The following ADGRA2 variants were observed in gnomAD, a reference collection of about 807,000 sequenced individuals.
ADGRA2 encodes G-protein coupled receptor 124.
Under a neutral mutation model 98.7 loss-of-function variants are expected in ADGRA2, and 61 were observed. The observed-to-expected ratio is 0.62, with a 90% CI of 0.50 to 0.76. The LOEUF (loss-of-function observed/expected upper bound fraction) is 0.76. Among genes scored for constraint, ADGRA2 ranks in the 30% least tolerant of loss-of-function variants. ADGRA2 has a pLI of 0.00. For synonymous variants in ADGRA2, 858 were observed against 831.5 expected (o/e 1.03, Z -0.55); for missense variants, 1,712 against 1,860.0 (o/e 0.92, Z 1.46).
At chr8:37,833,365 C>A (rs1291266027) in intron 9 of ADGRA2, among the ~76,000 whole-genome samples, 157 bp downstream of exon 9, 2 of 152,216 alleles carry the variant, frequency 1.3e-5, no homozygotes, top group Non-Finnish European at 2.9e-5. Flanking sequence ...TCTCCTCCAG[C>A]CGCCCTCTGC....
Position 37,841,628 on chromosome 8 carries a change from G to A in ADGRA2, c.3290G>A (p.Arg1097Gln). 1 of 1,533,384 alleles carries A rather than the reference G, an allele frequency of 6.5e-7. No homozygotes were observed. The highest frequency in any genetic ancestry group is 8.8e-7 in the Non-Finnish European group (1 of 1,139,886). 95.0% of individuals were successfully genotyped at this position (1,533,384 alleles called of 1,614,324 possible). ...CCCGCGGCCCCCCATGCCCCGCCCC[G>A]GGCCCTGCCCGCCGCCGCAGAGGAC... Reference protein sequence around the residue: ...ASPAAPHAPPRALPAAAEDGS... With the variant: ...ASPAAPHAPPQALPAAAEDGS... The change falls in exon 19 of 19, where the codon CGG (arginine) becomes CAG (glutamine). Residue 1097 changes from arginine to glutamine, a missense_variant. Transcript: ENST00000412232. This position sits in a 1 kb window ranked among gnomAD's most constrained non-coding sequence, Gnocchi z 5.0.
chr8:37,826,138 G>C (rs1398531500), intron 2 of ADGRA2, among the ~76,000 whole-genome samples: 2 of 152,170 alleles, frequency 1.3e-5, no homozygotes, highest in Non-Finnish European at 2.9e-5. Flanking sequence ...GGGGAGGGAA[G>C]GGGGGCTGCG....
At position 37,840,257 on chromosome 8, in the gene ADGRA2, C is replaced by T. The variant is rs750687452; in HGVS notation, c.2648C>T (p.Pro883Leu). Residue 883 changes from proline (P) to leucine (L), a missense_variant, in exon 17 of 19, where the codon CCT becomes CTT. Coordinates refer to ENST00000412232, the MANE Select transcript of ADGRA2 (RefSeq NM_032777.10). ...GACCCCGCTCTGCCTACTCCCAGTCCTATGCTCCGGTACATACTTTCAATT... is the reference window on the plus strand; with the variant it reads ...GACCCCGCTCTGCCTACTCCCAGTCTTATGCTCCGGTACATACTTTCAATT... ...EGDPALPTPS[P>L]MLRFYLIAGG... 1.9e-6 allele frequency: 3 copies of T among 1,612,260 alleles called. No individual in the cohort carries two copies. The highest frequency in any genetic ancestry group is 2.5e-6 in the Non-Finnish European group (3 of 1,179,964).
chr8:37,804,126 C>CACCACACACACAT (rs1554522455), intron 1 of ADGRA2, among the ~76,000 whole-genome samples: 2 of 150,016 alleles, frequency 1.3e-5, no homozygotes, highest in Non-Finnish European at 3.0e-5. Flanking sequence ...CACACACACA[C>CACCACACACACAT]ACACACACAC....
chr8:37,805,688 T>A (rs1202737584), intron 1 of ADGRA2, among the ~76,000 whole-genome samples: 1 of 151,792 alleles, frequency 6.6e-6, no homozygotes, highest in Non-Finnish European at 1.5e-5. Context: ...GCTAACACAG[T>A]GAAACCCCGT....
At chr8:37,803,336 C>G (rs928712309) in intron 1 of ADGRA2, among the ~76,000 whole-genome samples, 1 of 152,304 alleles carries the variant, frequency 6.6e-6, no homozygotes. Context: ...GACCCAGACA[C>G]TGCTATCTTC....
chr8:37,829,037 C>A lies in ADGRA2; in HGVS notation c.410+78C>A. 3.9e-6 allele frequency: 4 copies of A among 1,013,026 alleles called. No individual in the cohort carries two copies. In the South Asian group the frequency reaches 6.7e-5, roughly 17 times the overall value. 62.8% of individuals were successfully genotyped at this position (1,013,026 alleles called of 1,614,324 possible). On this transcript the variant is annotated intron_variant, in intron 3 of 18. Coordinates refer to ENST00000412232, the MANE Select transcript of ADGRA2 (RefSeq NM_032777.10). Reference sequence around the variant, plus strand: ...TCACCCCTCCTGCTCCATGCCCACCCCCTTCCTCTCACCCCCCCACACCTG... The same window carrying A: ...TCACCCCTCCTGCTCCATGCCCACCACCTTCCTCTCACCCCCCCACACCTG...
Position 37,834,263 on chromosome 8 carries a change from C to A in ADGRA2, c.1608+135C>A. 1.2e-6 allele frequency: 1 copy of A among 863,532 alleles called. No individual in the cohort carries two copies. Among genetic ancestry groups the A allele is most frequent in the Non-Finnish European group, 1.7e-6 (1 of 574,120 alleles). 53.5% of individuals were successfully genotyped at this position (863,532 alleles called of 1,614,324 possible). On this transcript the variant is annotated intron_variant, in intron 11 of 18. Transcript: ENST00000412232. The surrounding 1 kb of genome is among the most constrained non-coding windows in gnomAD (Gnocchi z 4.2). ...AGTTCTGAGCCATGGGGTTCACTTC[C>A]AAGTTGTCAGGGGCAGTGCTAAGGA...
In ADGRA2 at chr8:37,797,627, TCC is replaced by T. The variant is rs1332165374; in HGVS notation, c.266+98_266+99del. 8.8e-7 allele frequency: 1 copy of T among 1,132,032 alleles called. No homozygotes were observed. The highest frequency in any genetic ancestry group is 3.2e-5 in the East Asian group (1 of 31,212). 70.1% of individuals were successfully genotyped at this position (1,132,032 alleles called of 1,614,324 possible). A position where few individuals can be genotyped will look rare whatever the true frequency, so the allele number is the denominator to read the frequency against. The stretch of plus-strand genomic sequence containing the variant: ...GGTGGGAGCAGGGGGAAGGGGGCTA[TCC>T]CCCCACTTCAGAGATTTCTGGACAG... On this transcript the variant is annotated intron_variant, in intron 1 of 18. Transcript: ENST00000412232. The surrounding 1 kb of genome is among the most constrained non-coding windows in gnomAD (Gnocchi z 5.3).
intron 2 of ADGRA2, among the ~76,000 whole-genome samples, chr8:37,825,584 A>T (rs1021328144): frequency 2.0e-5 from 3 of 151,854 alleles, no homozygotes; most frequent in Non-Finnish European, 2.9e-5. Flanking sequence ...CCCCTCTGGA[A>T]ATTGTATGCA....
At chr8:37,826,721 CCT>C (rs1342565909) in intron 2 of ADGRA2, among the ~76,000 whole-genome samples, 1 of 152,192 alleles carries the variant, frequency 6.6e-6, no homozygotes, top group African/African-American at 2.4e-5. Flanking sequence ...ACACCCATTT[CCT>C]CTCCTCCCAG....
chr8:37,803,129 A>G (rs1804556115), intron 1 of ADGRA2, among the ~76,000 whole-genome samples: 1 of 152,238 alleles, frequency 6.6e-6, no homozygotes, highest in African/African-American at 2.4e-5. Flanking sequence ...TGACCCTTCA[A>G]TGCGGGTCAT....
intron 2 of ADGRA2, among the ~76,000 whole-genome samples, chr8:37,828,481 C>CTTTTTTTTT (rs35779657): frequency 2.4e-5 from 2 of 82,978 alleles, no homozygotes; most frequent in Non-Finnish European, 4.4e-5. Context: ...GGGGGTGGTT[C>CTTTTTTTTT]TTTTTTTTTT....
intron 2 of ADGRA2, among the ~76,000 whole-genome samples, chr8:37,826,479 A>G (rs911824207): frequency 6.6e-6 from 1 of 152,172 alleles, no homozygotes; most frequent in African/African-American, 2.4e-5. Flanking sequence ...ACACCCCAGC[A>G]TGGAAGCCAT....
At position 37,822,919 on chromosome 8, in the gene ADGRA2, T is replaced by C. The variant is rs1021008931; in HGVS notation, c.339-5969T>C. 2.8e-4 allele frequency among the ~76,000 whole-genome samples: 42 copies of C among 148,888 alleles called. 1 individual carries two copies. The highest frequency in any genetic ancestry group is 4.7e-4 in the Non-Finnish European group (32 of 67,460). On this transcript the variant is annotated intron_variant, in intron 2 of 18. Coordinates refer to ENST00000412232, the MANE Select transcript of ADGRA2 (RefSeq NM_032777.10). Reference sequence around the variant, plus strand: ...TTTTTTTTTTTTTTTTGAGATGGAGTCTCACTCTGTTGCCCAGTCTGGAGT... The same window carrying C: ...TTTTTTTTTTTTTTTTGAGATGGAGCCTCACTCTGTTGCCCAGTCTGGAGT...
At position 37,802,638 on chromosome 8, in the gene ADGRA2, C is replaced by T. The variant is rs1804542532; in HGVS notation, c.266+5104C>T. 1.3e-5 allele frequency among the ~76,000 whole-genome samples: 2 copies of T among 152,170 alleles called. No homozygotes were observed. The highest frequency in any genetic ancestry group is 2.4e-5 in the African/African-American group (1 of 41,438). On this transcript the variant is annotated intron_variant, in intron 1 of 18. Transcript: ENST00000412232. The surrounding 1 kb of genome is among the most constrained non-coding windows in gnomAD (Gnocchi z 4.7). Reference sequence around the variant, plus strand: ...AGGGGCCCAGCAGAAACCTCAGTCTCTCCTGGACTCTTCCCCACCACCCAC... The same window carrying T: ...AGGGGCCCAGCAGAAACCTCAGTCTTTCCTGGACTCTTCCCCACCACCCAC...
intron 16 of ADGRA2, 121 bp from the exon 17 acceptor site, chr8:37,840,000 G>A: frequency 1.1e-6 from 1 of 902,862 alleles, no homozygotes; most frequent in African/African-American, 1.7e-5. Context: ...AGTGGGCTGG[G>A]TAAAGTAAAA....
At chr8:37,833,878 C>T (rs1298644633) in intron 10 of ADGRA2, 41 bp downstream of exon 10, 1 of 1,610,432 alleles carries the variant, frequency 6.2e-7, no homozygotes, top group Admixed American at 1.7e-5. Context: ...AAAACGCCCC[C>T]ATCCCTCATT....
At position 37,842,193 on chromosome 8, in the gene ADGRA2, G is replaced by T; in HGVS notation, c.3855G>T (p.Ala1285=). Reference sequence around the variant, plus strand: ...GCGACAGTCTCAAGGGCGGCGGCGCGCTGGAGAAGGAGAGCCATCGCCGCT... The same window carrying T: ...GCGACAGTCTCAAGGGCGGCGGCGCTCTGGAGAAGGAGAGCCATCGCCGCT... The part of the protein sequence containing the change: ...ASRDSLKGGG[A]LEKESHRRSY... Residue 1285 remains alanine, a synonymous_variant, in exon 19 of 19, where the codon GCG becomes GCT. Coordinates refer to ENST00000412232, the MANE Select transcript of ADGRA2 (RefSeq NM_032777.10). 1 of 1,541,208 alleles carries T rather than the reference G, an allele frequency of 6.5e-7. No homozygotes were observed. Among genetic ancestry groups the T allele is most frequent in the Non-Finnish European group, 8.7e-7 (1 of 1,144,474 alleles).
Sources: allele counts gnomAD v4.1 joint callset (sites outside exome capture counted in the v4.1 genomes callset), GRCh38; gene constraint gnomAD v4.1.1; non-coding constraint Gnocchi (gnomAD v3.1); transcripts MANE v1.5; gene names NCBI Gene and HGNC (gene_info 2026-07-23, HGNC 2026-07-21).